VMP1: variants seen among roughly 807,000 people sequenced by gnomAD.
VMP1 encodes the protein ectopic P-granules autophagy protein 3 homolog.
In VMP1, 11 loss-of-function variants were observed where a neutral mutation model predicts 56.0. The observed-to-expected ratio is 0.20, with a 90% confidence interval of 0.12 to 0.32. The LOEUF (loss-of-function observed/expected upper bound fraction) is 0.32, where lower values mean the gene tolerates loss of function less well. Ranked by LOEUF, VMP1 falls within the 10% of genes least tolerant of loss-of-function variation. The pLI, the probability that VMP1 is intolerant of heterozygous loss-of-function variation, is 1.00. For synonymous variants in VMP1, 149 were observed against 165.0 expected (o/e 0.90, Z 0.74); for missense variants, 296 against 490.3 (o/e 0.60, Z 3.74).
At chr17:59,736,014 T>C (rs2035002124) in intron 3 of VMP1, among the ~76,000 whole-genome samples, 2 of 152,240 alleles carry the variant, frequency 1.3e-5, no homozygotes, top group Admixed American at 1.3e-4. Flanking sequence ...ACTATTATCT[T>C]AACATTTTTA....
chr17:59,829,958 C>T (rs567327789), intron 10 of VMP1, among the ~76,000 whole-genome samples: 81 of 152,332 alleles, frequency 5.3e-4, no homozygotes, highest in African/African-American at 1.9e-3. Flanking sequence ...ATTGATAGAA[C>T]TCTCTGGGGT....
chr17:59,773,964 C>T (rs2144036532), intron 7 of VMP1, 79 bp downstream of exon 7: 2 of 1,237,788 alleles, frequency 1.6e-6, no homozygotes, highest in Non-Finnish European at 2.1e-6. Flanking sequence ...TTAGTAGTTA[C>T]TCTGAAGAAG....
chr17:59,740,076 CAA>C (rs912542092), intron 5 of VMP1, among the ~76,000 whole-genome samples: 7 of 104,546 alleles, frequency 6.7e-5, no homozygotes, highest in Admixed American at 1.1e-4. Context: ...GACTCCGTCT[CAA>C]AAAAAAAAAA....
At chr17:59,816,630 C>T (rs2038241487) in intron 9 of VMP1, among the ~76,000 whole-genome samples, 1 of 151,570 alleles carries the variant, frequency 6.6e-6, no homozygotes, top group Admixed American at 6.6e-5. Context: ...ACAGTGAAAC[C>T]CCATCTCTAC....
chr17:59,749,412 T>C (rs1285882239), intron 5 of VMP1, among the ~76,000 whole-genome samples: 1 of 152,032 alleles, frequency 6.6e-6, no homozygotes, highest in African/African-American at 2.4e-5. Flanking sequence ...CTGATAAACC[T>C]GCAGGCTTTG....
chr17:59,717,362 A>G (rs1568013577), intron 1 of VMP1, among the ~76,000 whole-genome samples: 2 of 152,254 alleles, frequency 1.3e-5, no homozygotes, highest in South Asian at 4.1e-4. Flanking sequence ...AGAGAAAATG[A>G]GAAATGGGAT....
At chr17:59,791,561 C>T (rs1360315313) in intron 7 of VMP1, among the ~76,000 whole-genome samples, 3 of 147,984 alleles carry the variant, frequency 2.0e-5, no homozygotes, top group African/African-American at 5.0e-5. Flanking sequence ...TCCTCTGCCT[C>T]CCTGGTTCAA....
chr17:59,805,013 C>T (rs2037799499), intron 7 of VMP1, among the ~76,000 whole-genome samples: 1 of 152,038 alleles, frequency 6.6e-6, no homozygotes, highest in Non-Finnish European at 1.5e-5. Flanking sequence ...TTGTGAAATC[C>T]TTTTTCAGTA....
chr17:59,767,720 A>G (rs2036281759), intron 6 of VMP1, among the ~76,000 whole-genome samples: 1 of 152,152 alleles, frequency 6.6e-6, no homozygotes, highest in Non-Finnish European at 1.5e-5. Flanking sequence ...CACATGCTTT[A>G]AATTAGTTAA....
chr17:59,779,445 C>A (rs1317880399), intron 7 of VMP1, among the ~76,000 whole-genome samples: 1 of 152,162 alleles, frequency 6.6e-6, no homozygotes, highest in African/African-American at 2.4e-5. Context: ...CCTCTTCTGG[C>A]AGTTCTGCTG....
chr17:59,734,053 C>T (rs1029557011), intron 2 of VMP1, among the ~76,000 whole-genome samples: 1 of 152,128 alleles, frequency 6.6e-6, no homozygotes, highest in African/African-American at 2.4e-5. Flanking sequence ...AGAAGGTGGA[C>T]CAATTTAGAC....
intron 10 of VMP1, among the ~76,000 whole-genome samples, chr17:59,830,630 A>G (rs1428660704): frequency 6.6e-6 from 1 of 152,238 alleles, no homozygotes; most frequent in Non-Finnish European, 1.5e-5. Context: ...GTTTTTCAGG[A>G]GGGTAAATAT....
intron 1 of VMP1, among the ~76,000 whole-genome samples, chr17:59,718,734 G>A (rs1261626252): frequency 6.6e-6 from 1 of 151,576 alleles, no homozygotes. Flanking sequence ...GTCTCACTGT[G>A]TTTCCCAGGC....
chr17:59,794,599 A>G (rs1287134199), intron 7 of VMP1, among the ~76,000 whole-genome samples: 3 of 132,156 alleles, frequency 2.3e-5, no homozygotes, highest in African/African-American at 5.8e-5. Context: ...GAAGCTGCAG[A>G]TACTGGCCAA....
At chr17:59,794,864 T>C (rs1280160481) in intron 7 of VMP1, among the ~76,000 whole-genome samples, 1 of 151,970 alleles carries the variant, frequency 6.6e-6, no homozygotes, top group Non-Finnish European at 1.5e-5. Flanking sequence ...AAATAATCAT[T>C]ACAGGTGTAA....
At chr17:59,768,810 G>A (rs1172249167) in intron 6 of VMP1, among the ~76,000 whole-genome samples, 1 of 151,532 alleles carries the variant, frequency 6.6e-6, no homozygotes, top group Non-Finnish European at 1.5e-5. Context: ...GTGAAATGCT[G>A]TCTGTACTAA....
At chr17:59,806,749 T>C (rs2144201640) in intron 7 of VMP1, among the ~76,000 whole-genome samples, 1 of 151,480 alleles carries the variant, frequency 6.6e-6, no homozygotes, top group Non-Finnish European at 1.5e-5. Flanking sequence ...CTGATATAAC[T>C]GATTTAGTGA....
At chr17:59,740,339 TC>T (rs1167498770) in intron 5 of VMP1, among the ~76,000 whole-genome samples, 1 of 152,120 alleles carries the variant, frequency 6.6e-6, no homozygotes, top group Non-Finnish European at 1.5e-5. Flanking sequence ...TGAAAACACT[TC>T]CATATTTGAA....
At chr17:59,790,453 A>C (rs1283736001) in intron 7 of VMP1, among the ~76,000 whole-genome samples, 2 of 152,194 alleles carry the variant, frequency 1.3e-5, no homozygotes, top group East Asian at 3.8e-4. Context: ...AGCCCATCAT[A>C]TAAAGCAGTG....
Sources: allele counts gnomAD v4.1 joint callset (sites outside exome capture counted in the v4.1 genomes callset), GRCh38; gene constraint gnomAD v4.1.1; transcripts MANE v1.5; gene names NCBI Gene and HGNC (gene_info 2026-07-23, HGNC 2026-07-21).